ETFA: variants seen among roughly 807,000 people sequenced by gnomAD.
ETFA encodes the protein electron transfer flavoprotein subunit alpha.
ETFA carries 22 observed loss-of-function variants against 46.2 expected under a neutral mutation model. The observed-to-expected ratio is 0.48, with a 90% CI of 0.34 to 0.68. The LOEUF (loss-of-function observed/expected upper bound fraction) is 0.68, where lower values mean the gene tolerates loss of function less well. Among genes scored for constraint, ETFA ranks in the 30% least tolerant of loss-of-function variants. The pLI, the probability that ETFA is intolerant of heterozygous loss-of-function variation, is 0.01. For synonymous variants in ETFA, 131 were observed against 139.9 expected, an observed-to-expected ratio of 0.94 and a Z score of 0.45; for missense variants, 345 against 401.1, an observed-to-expected ratio of 0.86 and a Z score of 1.19.
In ETFA at chr15:76,215,523, C is replaced by T. The variant is rs2038889279; in HGVS notation, c.*1036G>A. On this transcript the variant is annotated 3_prime_UTR_variant, in exon 12 of 12. Transcript: ENST00000557943. ...TGTCTGCTTGATCCAGGTCACTACT[C>T]CTACTTCTGCAGATCTGATTCAGGA... 6.6e-6 allele frequency: 1 copy of T among 152,166 alleles called. No individual in the cohort carries two copies. The highest frequency in any genetic ancestry group is 2.4e-5 in the African/African-American group (1 of 41,366). The allele number at this position is 152,166 out of a possible 1,614,324, so 9.4% of individuals were successfully genotyped here. A position where few individuals can be genotyped will look rare whatever the true frequency, so the allele number is the denominator to read the frequency against.
chr15:76,272,937 A>C (rs966023020), intron 9 of ETFA, among the ~76,000 whole-genome samples: 1 of 151,884 alleles, frequency 6.6e-6, no homozygotes, highest in African/African-American at 2.4e-5. Flanking sequence ...AACAGGCCAC[A>C]TGATGATGTG....
At chr15:76,309,367 C>T (rs1181142156) in intron 1 of ETFA, among the ~76,000 whole-genome samples, 5 of 152,162 alleles carry the variant, frequency 3.3e-5, no homozygotes, top group African/African-American at 4.8e-5. Flanking sequence ...AGGAGAATGG[C>T]GTGAACCCGG....
At chr15:76,264,877 T>C (rs906132735) in intron 9 of ETFA, among the ~76,000 whole-genome samples, 2 of 152,232 alleles carry the variant, frequency 1.3e-5, no homozygotes, top group Non-Finnish European at 2.9e-5. Flanking sequence ...GAAAAACCAC[T>C]ACCATCCATC....
At chr15:76,238,870 C>T (rs1406647501) in intron 9 of ETFA, among the ~76,000 whole-genome samples, 4 of 152,228 alleles carry the variant, frequency 2.6e-5, no homozygotes, top group African/African-American at 7.2e-5. Context: ...TTTTCTCAAA[C>T]AGCTCTCTGC....
chr15:76,293,138 A>C (rs576875459), intron 2 of ETFA, among the ~76,000 whole-genome samples: 1 of 152,168 alleles, frequency 6.6e-6, no homozygotes, highest in East Asian at 1.9e-4. Flanking sequence ...CTCCATCTCA[A>C]ACAAACAAAG....
At chr15:76,288,908 C>A (rs1180227796) in intron 4 of ETFA, among the ~76,000 whole-genome samples, 1 of 63,318 alleles carries the variant, frequency 1.6e-5, no homozygotes, top group African/African-American at 5.5e-5. Flanking sequence ...GTTAATTCTT[C>A]TTCTTCTTCT....
At chr15:76,253,932 ATCC>A (rs1370778769) in intron 9 of ETFA, among the ~76,000 whole-genome samples, 1 of 152,222 alleles carries the variant, frequency 6.6e-6, no homozygotes, top group Non-Finnish European at 1.5e-5. Context: ...TATCAGACCA[ATCC>A]TCCTGCTGAG....
chr15:76,246,480 G>A (rs1187687775), intron 9 of ETFA, among the ~76,000 whole-genome samples: 1 of 152,128 alleles, frequency 6.6e-6, no homozygotes, highest in Non-Finnish European at 1.5e-5. Context: ...TTGAAATGAA[G>A]GACAAGGATG....
At chr15:76,274,740 CATT>C (rs1457116807) in intron 8 of ETFA, among the ~76,000 whole-genome samples, 1 of 152,106 alleles carries the variant, frequency 6.6e-6, no homozygotes, top group African/African-American at 2.4e-5. Flanking sequence ...TTTAGAATGT[CATT>C]ATATAATGCT....
chr15:76,311,326 T>C, intron 1 of ETFA, 24 bp downstream of exon 1: 1 of 1,553,118 alleles, frequency 6.4e-7, no homozygotes, highest in Non-Finnish European at 8.7e-7. Context: ...CGTCCCTGGG[T>C]TCGCCTTCCC....
At chr15:76,260,564 C>T (rs571189191) in intron 9 of ETFA, 122 of 1,496,218 alleles carry the variant, frequency 8.2e-5, no homozygotes, top group Non-Finnish European at 1.1e-4. Context: ...CCCAGCCTGT[C>T]AAATTGGCCC....
chr15:76,252,816 C>T (rs539265164), intron 9 of ETFA, among the ~76,000 whole-genome samples: 1 of 150,588 alleles, frequency 6.6e-6, no homozygotes, highest in African/African-American at 2.4e-5. Flanking sequence ...ATACTGAGGT[C>T]TTTAGGGGTA....
chr15:76,258,076 C>T (rs1402905188), intron 9 of ETFA, among the ~76,000 whole-genome samples: 1 of 150,078 alleles, frequency 6.7e-6, no homozygotes, highest in Non-Finnish European at 1.5e-5. Flanking sequence ...TGCTAAATGA[C>T]GAGTTAACGG....
intron 9 of ETFA, among the ~76,000 whole-genome samples, chr15:76,247,891 G>A (rs893656943): frequency 4.6e-5 from 7 of 152,116 alleles, no homozygotes; most frequent in Non-Finnish European, 7.3e-5. Flanking sequence ...ATTATTTGAG[G>A]TTTTGAATAG....
In ETFA at chr15:76,247,504, T is replaced by C. The variant is rs1235342112; in HGVS notation, c.817-16106A>G. 7.9e-5 allele frequency among the ~76,000 whole-genome samples: 12 copies of C among 152,198 alleles called. 1 individual carries two copies. The highest frequency in any genetic ancestry group is 7.9e-4 in the Admixed American group (12 of 15,276). ...AAGCTCCTTTGCTAGAATCTTTCCATACATTTTGACTCACCACTGAACCGC... is the reference window on the plus strand; with the variant it reads ...AAGCTCCTTTGCTAGAATCTTTCCACACATTTTGACTCACCACTGAACCGC... On this transcript the variant is annotated intron_variant, in intron 9 of 11. Transcript: ENST00000557943.
intron 4 of ETFA, among the ~76,000 whole-genome samples, chr15:76,292,185 T>G (rs2039771142): frequency 6.6e-6 from 1 of 152,180 alleles, no homozygotes. Context: ...TACTTTTACA[T>G]GCAGAAAATT....
At chr15:76,241,801 CAAAAAAAAAAAAAA>C (rs1165964434) in intron 9 of ETFA, among the ~76,000 whole-genome samples, 2 of 30,572 alleles carry the variant, frequency 6.5e-5, no homozygotes, top group Non-Finnish European at 1.0e-4. Context: ...GACTCCATCT[CAAAAAAAAAAAAAA>C]AAAAAAAAAA....
intron 9 of ETFA, among the ~76,000 whole-genome samples, chr15:76,247,890 G>A (rs11072580): frequency 0.46 from 70,260 of 151,930 alleles, 17,022 homozygotes; most frequent in Middle Eastern, 0.61. Flanking sequence ...AATTATTTGA[G>A]GTTTTGAATA....
intron 10 of ETFA, among the ~76,000 whole-genome samples, chr15:76,229,505 A>G (rs2039042798): frequency 6.6e-6 from 1 of 152,236 alleles, no homozygotes; most frequent in Non-Finnish European, 1.5e-5. Context: ...TCTTCTTGAC[A>G]GGCAGAATCT....
Sources: allele counts gnomAD v4.1 joint callset (sites outside exome capture counted in the v4.1 genomes callset), GRCh38; gene constraint gnomAD v4.1.1; transcripts MANE v1.5; gene names NCBI Gene and HGNC (gene_info 2026-07-23, HGNC 2026-07-21).